Variants in LMO7 observed in about 807,000 individuals in gnomAD.
LMO7 encodes the protein LIM domain 7.
LMO7 carries 120 observed loss-of-function variants against 206.5 expected under a neutral mutation model. The ratio of observed to expected loss-of-function variants is 0.58; its 90% CI spans 0.50 to 0.68. The LOEUF (loss-of-function observed/expected upper bound fraction) is 0.68, where lower values mean the gene tolerates loss of function less well. LMO7 is among the 30% of genes least tolerant of loss of function. The probability of loss-of-function intolerance (pLI) is 0.00; values close to 1 mark genes in which losing one functional copy is unlikely to be tolerated. For missense variants in LMO7, 1,959 were observed against 1,957.9 expected, an observed-to-expected ratio of 1.00 and a Z score of -0.01; for synonymous variants, 706 against 681.5, an observed-to-expected ratio of 1.04 and a Z score of -0.56.
At chr13:75,803,425 A>C (rs1227055311) in intron 7 of LMO7, among the ~76,000 whole-genome samples, 1 of 152,178 alleles carries the variant, frequency 6.6e-6, no homozygotes, top group Non-Finnish European at 1.5e-5. Context: ...CCAAACCTTT[A>C]CAAGTGCACA....
chr13:75,711,072 A>C (rs370953562), intron 1 of LMO7, among the ~76,000 whole-genome samples: 1 of 151,902 alleles, frequency 6.6e-6, no homozygotes, highest in East Asian at 1.9e-4. Flanking sequence ...GGTTTTTGTC[A>C]TTGGTTCTGT....
At chr13:75,645,034 A>G (rs2036889088) in intron 1 of LMO7, among the ~76,000 whole-genome samples, 1 of 152,252 alleles carries the variant, frequency 6.6e-6, no homozygotes, top group Non-Finnish European at 1.5e-5. Context: ...TAAAAAAGGA[A>G]ACATTTTAAT....
At chr13:75,733,080 G>C (rs543510614) in intron 3 of LMO7, among the ~76,000 whole-genome samples, 20 of 152,318 alleles carry the variant, frequency 1.3e-4, no homozygotes, top group African/African-American at 3.6e-4. Context: ...AGGGGTCAGG[G>C]ACCCACTTGA....
chr13:75,703,431 T>G (rs551562188), intron 1 of LMO7, among the ~76,000 whole-genome samples: 25 of 152,286 alleles, frequency 1.6e-4, no homozygotes, highest in Admixed American at 1.0e-3. Context: ...CACTCTCATT[T>G]GATGCTCAAT....
At chr13:75,696,479 C>T (rs1229461728) in intron 1 of LMO7, among the ~76,000 whole-genome samples, 1 of 152,274 alleles carries the variant, frequency 6.6e-6, no homozygotes, top group Non-Finnish European at 1.5e-5. Flanking sequence ...CTTAGATACC[C>T]ATTCAAAAAT....
chr13:75,739,360 G>T (rs2046230469), intron 3 of LMO7, among the ~76,000 whole-genome samples: 1 of 152,206 alleles, frequency 6.6e-6, no homozygotes, highest in South Asian at 2.1e-4. Context: ...GCATCTTTCA[G>T]ATTACTTTCA....
At chr13:75,849,959 A>G (rs1367960808) in intron 27 of LMO7, among the ~76,000 whole-genome samples, 1 of 152,166 alleles carries the variant, frequency 6.6e-6, no homozygotes, top group East Asian at 1.9e-4. Flanking sequence ...TCAGAAAATT[A>G]TCCCTACCAA....
chr13:75,647,335 TG>T (rs2037121831), intron 1 of LMO7, among the ~76,000 whole-genome samples: 2 of 152,228 alleles, frequency 1.3e-5, no homozygotes, highest in Admixed American at 1.3e-4. Flanking sequence ...ATGTTGGTTT[TG>T]TTGTATTAGT....
chr13:75,798,796 T>C (rs1287417385), intron 6 of LMO7, among the ~76,000 whole-genome samples: 1 of 152,208 alleles, frequency 6.6e-6, no homozygotes, highest in African/African-American at 2.4e-5. Context: ...CTCATTTTAA[T>C]TGACTTGTCA....
chr13:75,822,807 A>C lies in LMO7; in HGVS notation c.2641-758A>C, dbSNP rs1352401149. ...ATATATATATATATAGTTTCTAAAA[A>C]TTATATATATATAATAAAATATATA... On this transcript the variant is annotated intron_variant, in intron 14 of 30. Coordinates refer to ENST00000377534, the MANE Select transcript of LMO7 (RefSeq NM_001306080.2). 7.8e-5 allele frequency among the ~76,000 whole-genome samples: 9 copies of C among 115,122 alleles called. No individual in the cohort carries two copies. In the East Asian group the frequency reaches 1.9e-3, roughly 24 times the overall value. 75.5% of individuals were successfully genotyped at this position (115,122 alleles called of 152,430 possible).
intron 2 of LMO7, chr13:75,628,004 A>G (rs1025351056): frequency 1.3e-5 from 2 of 152,018 alleles, no homozygotes; most frequent in African/African-American, 4.8e-5. Context: ...AGATCTTTAT[A>G]GTAGGAAGAA....
At chr13:75,775,026 C>A (rs1316079638) in intron 4 of LMO7, among the ~76,000 whole-genome samples, 2 of 151,978 alleles carry the variant, frequency 1.3e-5, no homozygotes, top group African/African-American at 4.8e-5. Flanking sequence ...CAGGAAGGTT[C>A]TTTTGGGTAT....
chr13:75,809,277 G>T lies in LMO7; in HGVS notation c.1946+94G>T, dbSNP rs80294455. 1,329 of 1,049,872 alleles carry T rather than the reference G, an allele frequency of 1.3e-3. 12 individuals carry two copies. In the African/African-American group the frequency reaches 0.018, roughly 14 times the overall value. The allele number at this position is 1,049,872 out of a possible 1,614,324, so 65.0% of individuals were successfully genotyped here. ...CTGGCATGGCATGTCACTAAATGGGGTTGTTGTGTGCTGTGCATGATATTT... is the reference window on the plus strand; with the variant it reads ...CTGGCATGGCATGTCACTAAATGGGTTTGTTGTGTGCTGTGCATGATATTT... On this transcript the variant is annotated intron_variant, in intron 11 of 30. Coordinates refer to ENST00000377534, the MANE Select transcript of LMO7 (RefSeq NM_001306080.2).
intron 1 of LMO7, among the ~76,000 whole-genome samples, chr13:75,657,096 G>A (rs532789034): frequency 6.6e-6 from 1 of 152,288 alleles, no homozygotes; most frequent in Admixed American, 6.5e-5. Flanking sequence ...TGAAGGCCGT[G>A]GGAAGATGGA....
intron 1 of LMO7, among the ~76,000 whole-genome samples, chr13:75,701,168 G>A (rs1341973808): frequency 6.6e-6 from 1 of 151,404 alleles, no homozygotes; most frequent in East Asian, 2.0e-4. Context: ...TTGACATGTA[G>A]TGACCTTTTT....
At chr13:75,795,140 ACAG>A (rs762437118) in intron 4 of LMO7, among the ~76,000 whole-genome samples, 4 of 152,202 alleles carry the variant, frequency 2.6e-5, no homozygotes, top group Non-Finnish European at 5.9e-5. Flanking sequence ...AAATGAAAAA[ACAG>A]CACTGCTTTT....
At chr13:75,788,759 C>T (rs1365849762) in intron 4 of LMO7, 1 of 152,292 alleles carries the variant, frequency 6.6e-6, no homozygotes, top group African/African-American at 2.4e-5. Flanking sequence ...GAGCCCAGCT[C>T]TTCTAATATC....
chr13:75,849,264 C>T lies in LMO7; in HGVS notation c.4336C>T (p.Pro1446Ser). ...RQRSASVNKE[P>S]VSLPGIMRRG... ...GCGCAGTGCCAGTGTCAACAAAGAGCCTGTTAGTCTTCCTGGGATCATGAG... is the reference window on the plus strand; with the variant it reads ...GCGCAGTGCCAGTGTCAACAAAGAGTCTGTTAGTCTTCCTGGGATCATGAG... Residue 1446 changes from proline to serine, a missense_variant, in exon 27 of 31, where the codon CCT becomes TCT. Transcript: ENST00000377534. The T allele has an allele frequency of 6.2e-7, 1 of 1,613,950 alleles. No individual in the cohort carries two copies. Among genetic ancestry groups the T allele is most frequent in the South Asian group, 1.1e-5 (1 of 91,076 alleles).
rs370985094 is a variant in LMO7, at chr13:75,807,806, T to C, written c.1523T>C (p.Val508Ala). 35 of 1,613,786 alleles carry C rather than the reference T, an allele frequency of 2.2e-5. No homozygotes were observed. The highest frequency in any genetic ancestry group is 2.9e-5 in the Non-Finnish European group (34 of 1,179,874). Residue 508 changes from valine to alanine, a missense_variant, in exon 10 of 31, where the codon GTA becomes GCA. Physicochemically the swap from Val to Ala is moderately conservative, Grantham distance 64. Transcript: ENST00000377534. The stretch of plus-strand genomic sequence containing the variant: ...TTACAGTGTAGAGAAGGTGAACTTG[T>C]ACTTCCGGATTTGGAAAAAGATGAT... Reference protein sequence around the residue: ...IILQCREGELVLPDLEKDDMI... With the variant: ...IILQCREGELALPDLEKDDMI...
Sources: gnomAD v4.1 joint callset for allele counts (sites outside exome capture counted in the v4.1 genomes callset) on GRCh38, gnomAD v4.1.1 for gene constraint, MANE v1.5 for transcripts, NCBI Gene and HGNC (gene_info 2026-07-23, HGNC 2026-07-21) for gene names.